VRK2: variants seen among roughly 807,000 people sequenced by gnomAD.
VRK2 encodes the protein VRK serine/threonine kinase 2.
A neutral mutation model predicts 57.6 loss-of-function variants in VRK2; 60 were observed. The observed-to-expected ratio is 1.04, with a 90% CI of 0.85 to 1.29. VRK2 has a LOEUF of 1.29. Ranked by LOEUF, VRK2 falls within the 50% of genes most tolerant of loss-of-function variation. The pLI, the probability that VRK2 is intolerant of heterozygous loss-of-function variation, is 0.00. For missense variants in VRK2, 705 were observed against 588.1 expected, an observed-to-expected ratio of 1.20 and a Z score of -2.06; for synonymous variants, 231 against 199.2, an observed-to-expected ratio of 1.16 and a Z score of -1.35.
At chr2:58,155,150 G>C (rs1052760946) in intron 12 of VRK2, among the ~76,000 whole-genome samples, 22 of 152,118 alleles carry the variant, frequency 1.4e-4, no homozygotes, top group African/African-American at 5.3e-4. Flanking sequence ...CCATTATCTT[G>C]TGATGTTACT....
At chr2:57,934,488 T>C (rs896855138) in intron 1 of VRK2, among the ~76,000 whole-genome samples, 12 of 152,252 alleles carry the variant, frequency 7.9e-5, no homozygotes, top group African/African-American at 2.7e-4. Flanking sequence ...TTTTGTTTCT[T>C]TGAAAATTCT....
chr2:58,047,030 G>C (rs1408694342), intron 1 of VRK2, 162 bp downstream of exon 1: 2 of 955,092 alleles, frequency 2.1e-6, no homozygotes, highest in East Asian at 1.2e-4. Context: ...CAGAGTCGCT[G>C]CTTCCGCGTT....
At chr2:58,078,160 T>C (rs1375566823) in intron 2 of VRK2, among the ~76,000 whole-genome samples, 1 of 152,254 alleles carries the variant, frequency 6.6e-6, no homozygotes, top group Admixed American at 6.5e-5. Context: ...TTTTCCTCTT[T>C]TCCCAGCACC....
intron 1 of VRK2, 148 bp downstream of exon 1, chr2:58,047,016 C>T (rs1336427668): frequency 1.0e-6 from 1 of 971,040 alleles, no homozygotes; most frequent in Non-Finnish European, 1.2e-6. Flanking sequence ...AGCTCCGGCC[C>T]GGGCAGAGTC....
chr2:58,033,881 G>C (rs1191026867), intron 3 of VRK2, among the ~76,000 whole-genome samples: 1 of 151,968 alleles, frequency 6.6e-6, no homozygotes, highest in Non-Finnish European at 1.5e-5. Flanking sequence ...TGGCCAAAAA[G>C]AAATGGGCAT....
chr2:57,970,233 C>A (rs893832776), intron 1 of VRK2, among the ~76,000 whole-genome samples: 1 of 149,308 alleles, frequency 6.7e-6, no homozygotes, highest in African/African-American at 2.4e-5. Context: ...CATATATATT[C>A]ACATTCCACT....
rs190381937 is a variant in VRK2 at position 58,145,540 on chromosome 2, A to G, written c.1024-776A>G. Among the ~76,000 whole-genome samples, 96 of 152,110 alleles carry G rather than the reference A, an allele frequency of 6.3e-4. 1 individual carries two copies. The East Asian group carries it at 0.017, about 27-fold the overall frequency. On this transcript the variant is annotated intron_variant, in intron 11 of 12. Coordinates refer to ENST00000340157, the MANE Select transcript of VRK2 (RefSeq NM_006296.7). ...TCATGTGCAGCTTTAAAATGTGACA[A>G]TTTTCTCTAAAAATGCTGTTTTCAG...
At chr2:57,968,421 T>C (rs1178850056) in intron 1 of VRK2, among the ~76,000 whole-genome samples, 3 of 152,056 alleles carry the variant, frequency 2.0e-5, no homozygotes, top group East Asian at 3.8e-4. Context: ...TAGATACTTA[T>C]CAAAACATAT....
intron 1 of VRK2, among the ~76,000 whole-genome samples, chr2:58,047,701 G>A (rs1242806780): frequency 6.6e-6 from 1 of 152,162 alleles, no homozygotes; most frequent in Non-Finnish European, 1.5e-5. Context: ...TACAATCAAT[G>A]CTCTAGGCAT....
At chr2:58,143,786 T>C (rs1033025421) in intron 11 of VRK2, among the ~76,000 whole-genome samples, 2 of 151,844 alleles carry the variant, frequency 1.3e-5, no homozygotes, top group African/African-American at 4.8e-5. Context: ...CCCATGTTCA[T>C]TGCAACACTA....
chr2:57,969,922 C>T (rs1219810256), intron 1 of VRK2, among the ~76,000 whole-genome samples: 1 of 151,884 alleles, frequency 6.6e-6, no homozygotes, highest in Non-Finnish European at 1.5e-5. Context: ...AAAAGAATTC[C>T]ATTGACCCCT....
At chr2:57,972,997 C>T (rs1672142768) in intron 1 of VRK2, among the ~76,000 whole-genome samples, 1 of 151,794 alleles carries the variant, frequency 6.6e-6, no homozygotes, top group Non-Finnish European at 1.5e-5. Context: ...TGTGAACATG[C>T]CTTTTCATAT....
intron 1 of VRK2, chr2:58,047,531 G>T (rs555217464): frequency 3.7e-6 from 3 of 805,770 alleles, no homozygotes; most frequent in Admixed American, 1.2e-4. Context: ...TTGCCCCAAA[G>T]TGTATTTATC....
chr2:58,040,798 A>C (rs1207996438), intron 3 of VRK2, among the ~76,000 whole-genome samples: 1 of 152,222 alleles, frequency 6.6e-6, no homozygotes, highest in Non-Finnish European at 1.5e-5. Context: ...AAAGTGATGG[A>C]GCACATCTGA....
intron 2 of VRK2, among the ~76,000 whole-genome samples, chr2:58,055,961 A>G (rs1245275441): frequency 6.6e-6 from 1 of 152,176 alleles, no homozygotes; most frequent in Non-Finnish European, 1.5e-5. Context: ...CTATTTTTAC[A>G]TTTATTTCAT....
intron 1 of VRK2, among the ~76,000 whole-genome samples, chr2:57,994,805 T>C (rs533192175): frequency 5.9e-5 from 9 of 152,314 alleles, no homozygotes; most frequent in African/African-American, 2.2e-4. Context: ...TCATTATATG[T>C]TAACATAAAC....
chr2:57,993,560 CTTTG>C (rs1672836791), intron 1 of VRK2, among the ~76,000 whole-genome samples: 1 of 151,864 alleles, frequency 6.6e-6, no homozygotes, highest in Non-Finnish European at 1.5e-5. Flanking sequence ...GAGCCATTGG[CTTTG>C]TTTGTTGCCT....
intron 2 of VRK2, among the ~76,000 whole-genome samples, chr2:58,063,534 A>G (rs1287868717): frequency 6.6e-6 from 1 of 152,044 alleles, no homozygotes; most frequent in Admixed American, 6.6e-5. Context: ...TGAATATTTT[A>G]AGCCTGCTGT....
intron 1 of VRK2, among the ~76,000 whole-genome samples, chr2:57,963,005 G>T (rs1033119886): frequency 6.6e-6 from 1 of 152,084 alleles, no homozygotes; most frequent in African/African-American, 2.4e-5. Flanking sequence ...GCTTGCCAAG[G>T]GATTTGAACA....
Sources: gnomAD v4.1 joint callset for allele counts (sites outside exome capture counted in the v4.1 genomes callset) on GRCh38, gnomAD v4.1.1 for gene constraint, MANE v1.5 for transcripts, NCBI Gene and HGNC (gene_info 2026-07-23, HGNC 2026-07-21) for gene names.